The following SLC39A11 variants were observed in gnomAD, a reference collection of about 807,000 sequenced individuals.
The protein encoded by SLC39A11 is solute carrier family 39 member 11, also known as zinc transporter ZIP11.
SLC39A11 carries 33 observed loss-of-function variants against 36.1 expected under a neutral mutation model. The observed-to-expected ratio is 0.91, with a 90% CI of 0.69 to 1.22. SLC39A11 has a LOEUF of 1.22. Ranked by LOEUF, SLC39A11 falls within the 50% of genes most tolerant of loss-of-function variation. The probability of loss-of-function intolerance (pLI) is 0.00; values close to 1 mark genes in which losing one functional copy is unlikely to be tolerated. For missense variants in SLC39A11, 432 were observed against 430.3 expected (o/e 1.00, Z -0.03); for synonymous variants, 166 against 170.3 (o/e 0.97, Z 0.20).
intron 7 of SLC39A11, among the ~76,000 whole-genome samples, chr17:72,695,378 G>A (rs1251928995): frequency 2.6e-5 from 4 of 152,240 alleles, no homozygotes; most frequent in African/African-American, 9.6e-5. Flanking sequence ...GGAGCTGCCT[G>A]GGCTGCAGCC....
chr17:73,029,017 C>T (rs1465302497), intron 4 of SLC39A11, among the ~76,000 whole-genome samples: 2 of 151,556 alleles, frequency 1.3e-5, no homozygotes, highest in African/African-American at 4.8e-5. Flanking sequence ...ACTCAGGAGG[C>T]TGAGGCAGGA....
At chr17:72,693,565 C>T (rs1319625471) in intron 7 of SLC39A11, among the ~76,000 whole-genome samples, 1 of 152,198 alleles carries the variant, frequency 6.6e-6, no homozygotes, top group African/African-American at 2.4e-5. Flanking sequence ...TCTTGCTTTC[C>T]AAGCGTGGCA....
intron 2 of SLC39A11, 34 bp from the exon 3 acceptor site, chr17:73,084,880 G>A (rs1287749213): frequency 5.0e-6 from 8 of 1,610,410 alleles, no homozygotes; most frequent in Admixed American, 1.7e-5. Flanking sequence ...CAGTTTCCAA[G>A]AGACAATAAG....
At position 72,927,956 on chromosome 17, in the gene SLC39A11, T is replaced by TGGGTTAATAAA. The variant is rs370104480; in HGVS notation, c.430+19785_430+19795dup. 3.0e-4 allele frequency among the ~76,000 whole-genome samples: 46 copies of TGGGTTAATAAA among 152,086 alleles called. 1 individual carries two copies. Among genetic ancestry groups the TGGGTTAATAAA allele is most frequent in the African/African-American group, 1.0e-3 (43 of 41,470 alleles). On this transcript the variant is annotated intron_variant, in intron 5 of 9. Transcript: ENST00000255559. ...GCCATATAGCACAGTCCAAAGTACA[T>TGGGTTAATAAA]GGGTTAATAAAGGGTTAATAAAGGA...
intron 7 of SLC39A11, among the ~76,000 whole-genome samples, chr17:72,700,138 G>A (rs1476052799): frequency 6.6e-6 from 1 of 152,170 alleles, no homozygotes; most frequent in East Asian, 1.9e-4. Context: ...TGATGCTGCT[G>A]GCTTCTTTGG....
chr17:72,679,972 G>A (rs946483982), intron 7 of SLC39A11, among the ~76,000 whole-genome samples: 2 of 145,030 alleles, frequency 1.4e-5, no homozygotes, highest in Non-Finnish European at 3.0e-5. Flanking sequence ...AACCTGGGAG[G>A]CAGAGGTTGC....
At chr17:72,690,989 C>A (rs1342471821) in intron 7 of SLC39A11, among the ~76,000 whole-genome samples, 1 of 152,152 alleles carries the variant, frequency 6.6e-6, no homozygotes, top group Non-Finnish European at 1.5e-5. Context: ...GAAGTGGCCA[C>A]ACTGGGGAGG....
chr17:72,971,938 T>C (rs1485787467), intron 4 of SLC39A11, among the ~76,000 whole-genome samples: 2 of 152,166 alleles, frequency 1.3e-5, no homozygotes, highest in Non-Finnish European at 2.9e-5. Flanking sequence ...CCCGAGCTTC[T>C]CTCTAGAAGG....
At chr17:73,051,095 G>C (rs1191438360) in intron 3 of SLC39A11, among the ~76,000 whole-genome samples, 1 of 152,182 alleles carries the variant, frequency 6.6e-6, no homozygotes, top group African/African-American at 2.4e-5. Context: ...AAATCAAGGT[G>C]TCAGCTGGGC....
intron 4 of SLC39A11, 28 bp from the exon 5 acceptor site, chr17:72,947,903 G>C (rs781335313): frequency 1.2e-6 from 2 of 1,610,950 alleles, no homozygotes; most frequent in East Asian, 2.2e-5. Context: ...AACATCACTA[G>C]AGCACCACTA....
intron 4 of SLC39A11, among the ~76,000 whole-genome samples, chr17:72,979,967 T>C (rs1475376692): frequency 6.6e-6 from 1 of 152,096 alleles, no homozygotes; most frequent in Non-Finnish European, 1.5e-5. Flanking sequence ...TCCCACGACT[T>C]GCTGCTGGAT....
At chr17:72,746,865 A>G (rs1669800953) in intron 6 of SLC39A11, among the ~76,000 whole-genome samples, 1 of 152,088 alleles carries the variant, frequency 6.6e-6, no homozygotes, top group African/African-American at 2.4e-5. Flanking sequence ...AGGACAACAT[A>G]GTGAGACCCT....
intron 4 of SLC39A11, among the ~76,000 whole-genome samples, chr17:73,018,692 G>A (rs2058248403): frequency 6.6e-6 from 1 of 152,062 alleles, no homozygotes; most frequent in Admixed American, 6.6e-5. Context: ...GGAGTATCAA[G>A]CATATTAACT....
intron 5 of SLC39A11, among the ~76,000 whole-genome samples, chr17:72,854,324 G>A (rs537669362): frequency 6.6e-6 from 1 of 151,734 alleles, no homozygotes; most frequent in Admixed American, 6.6e-5. Context: ...GGGGTGGGGT[G>A]GGGGTGGAGA....
At chr17:72,850,221 G>C (rs1033642619) in intron 5 of SLC39A11, among the ~76,000 whole-genome samples, 1 of 152,174 alleles carries the variant, frequency 6.6e-6, no homozygotes, top group Non-Finnish European at 1.5e-5. Flanking sequence ...GGCTGAGGCA[G>C]GCAGATGGCT....
intron 6 of SLC39A11, among the ~76,000 whole-genome samples, chr17:72,841,188 C>A (rs2078790612): frequency 6.6e-6 from 1 of 152,202 alleles, no homozygotes; most frequent in Non-Finnish European, 1.5e-5. Context: ...TACATCAAAG[C>A]TTCAGTATGT....
At chr17:72,983,472 G>C (rs924363240) in intron 4 of SLC39A11, among the ~76,000 whole-genome samples, 2 of 152,124 alleles carry the variant, frequency 1.3e-5, no homozygotes, top group Admixed American at 6.6e-5. Flanking sequence ...GTTTGCTTTT[G>C]TTTTTAAATA....
chr17:73,006,021 C>T (rs898445430), intron 4 of SLC39A11, among the ~76,000 whole-genome samples: 7 of 151,576 alleles, frequency 4.6e-5, no homozygotes, highest in Admixed American at 2.0e-4. Flanking sequence ...CAAGACAATG[C>T]CTATAGAGAG....
chr17:72,978,873 C>A (rs1178489636), intron 4 of SLC39A11, among the ~76,000 whole-genome samples: 1 of 152,194 alleles, frequency 6.6e-6, no homozygotes, highest in Non-Finnish European at 1.5e-5. Context: ...TAAGGCCCTG[C>A]CTTCAGCCCT....
Sources: gnomAD v4.1 joint callset for allele counts (sites outside exome capture counted in the v4.1 genomes callset) on GRCh38, gnomAD v4.1.1 for gene constraint, MANE v1.5 for transcripts, NCBI Gene and HGNC (gene_info 2026-07-23, HGNC 2026-07-21) for gene names.